The following DGCR2 variants were observed in gnomAD, a reference collection of about 807,000 sequenced individuals.
DGCR2 encodes the protein DiGeorge syndrome critical region gene 2.
In DGCR2, 24 loss-of-function variants were observed where a neutral mutation model predicts 51.6. The observed-to-expected ratio is 0.47, with a 90% confidence interval of 0.34 to 0.65. DGCR2 has a LOEUF of 0.65. Among genes scored for constraint, DGCR2 ranks in the 30% least tolerant of loss-of-function variants. DGCR2 has a pLI of 0.01. For missense variants in DGCR2, 765 were observed against 772.1 expected (o/e 0.99, Z 0.11); for synonymous variants, 340 against 315.4 (o/e 1.08, Z -0.82).
chr22:19,118,369 G>GCAAA lies in DGCR2; in HGVS notation c.79+3755_79+3758dup. Among the ~76,000 whole-genome samples, 3 of 84,418 alleles carry GCAAA rather than the reference G, an allele frequency of 3.6e-5. 1 individual carries two copies. Among genetic ancestry groups the GCAAA allele is most frequent in the African/African-American group, 1.4e-4 (3 of 21,012 alleles). 55.4% of individuals were successfully genotyped at this position (84,418 alleles called of 152,430 possible). A position where few individuals can be genotyped will look rare whatever the true frequency, so the allele number is the denominator to read the frequency against. ...CTGGGTGACAGACAGAAACTCCATCGCAAACAAAAAAAAAAAAAAAAAAAA... is the reference window on the plus strand; with the variant it reads ...CTGGGTGACAGACAGAAACTCCATCGCAAACAAACAAAAAAAAAAAAAAAAAAAA... On this transcript the variant is annotated intron_variant, in intron 1 of 9. Transcript: ENST00000263196.
intron 2 of DGCR2, among the ~76,000 whole-genome samples, chr22:19,085,712 C>T (rs554504909): frequency 5.3e-5 from 8 of 152,336 alleles, no homozygotes; most frequent in South Asian, 2.1e-4. Context: ...TACATCTTTC[C>T]CCTTTTTTTG....
At position 19,063,216 on chromosome 22, in the gene DGCR2, T is replaced by A; in HGVS notation, c.611A>T (p.Glu204Val). The stretch of plus-strand genomic sequence containing the variant: ...GAAGGGCTCACCTTTGAATGCCACC[T>A]CCCAGCGACCTTCCAAGGAGCGGTT... ...GRNRSLEGRW[E>V]VAFKGSSEVF... Residue 204 changes from glutamate (E) to valine (V), a missense_variant, in exon 5 of 10, where the codon GAG (glutamate) becomes GTG (valine). Around this residue, in one of 3 missense-constraint regions of DGCR2, gnomAD observed 370 missense variants for 325.5 expected, o/e 1.14. Coordinates refer to ENST00000263196, the MANE Select transcript of DGCR2 (RefSeq NM_005137.3). 1 of 1,614,162 alleles carries A rather than the reference T, an allele frequency of 6.2e-7. No individual in the cohort carries two copies. The highest frequency in any genetic ancestry group is 8.5e-7 in the Non-Finnish European group (1 of 1,180,020).
At chr22:19,042,117 G>A (rs1033139749) in intron 7 of DGCR2, among the ~76,000 whole-genome samples, 158 bp from the exon 8 acceptor site, 7 of 152,196 alleles carry the variant, frequency 4.6e-5, no homozygotes, top group Non-Finnish European at 5.9e-5. Context: ...AAATAAGGCC[G>A]CTCAAAATCA....
In DGCR2 at chr22:19,065,076, C is replaced by G; in HGVS notation, c.329-9G>C. The stretch of plus-strand genomic sequence containing the variant: ...GCACTTCCCTAGGAAACATAAAGGA[C>G]AGAAGGGGAGTTGTCCCCCAAGTTA... On this transcript the variant is annotated splice_polypyrimidine_tract_variant and intron_variant, in intron 3 of 9. Coordinates refer to ENST00000263196, the MANE Select transcript of DGCR2 (RefSeq NM_005137.3). 1 of 1,612,936 alleles carries G rather than the reference C, an allele frequency of 6.2e-7. No individual in the cohort carries two copies. Among genetic ancestry groups the G allele is most frequent in the South Asian group, 1.1e-5 (1 of 90,996 alleles).
chr22:19,062,779 A>ACACTCTCTCT (rs1555903895), intron 5 of DGCR2, among the ~76,000 whole-genome samples: 2 of 127,354 alleles, frequency 1.6e-5, no homozygotes, highest in Admixed American at 7.8e-5. Flanking sequence ...ATGCATGCTC[A>ACACTCTCTCT]CTCTCTCTCT....
At chr22:19,095,016 T>C (rs1392387412) in intron 1 of DGCR2, among the ~76,000 whole-genome samples, 1 of 152,182 alleles carries the variant, frequency 6.6e-6, no homozygotes, top group African/African-American at 2.4e-5. Flanking sequence ...GACGATACGC[T>C]GTGTTTGTTA....
At chr22:19,115,077 A>G (rs1470989744) in intron 1 of DGCR2, among the ~76,000 whole-genome samples, 1 of 152,204 alleles carries the variant, frequency 6.6e-6, no homozygotes, top group Non-Finnish European at 1.5e-5. Context: ...CCGCAGGCAG[A>G]GGAGGAGGAG....
chr22:19,092,727 ATACT>A (rs1322847941), intron 1 of DGCR2, among the ~76,000 whole-genome samples: 5 of 152,226 alleles, frequency 3.3e-5, no homozygotes, highest in African/African-American at 4.8e-5. Context: ...AAAATAAGAA[ATACT>A]TAGGTATAAA....
intron 1 of DGCR2, among the ~76,000 whole-genome samples, chr22:19,121,149 T>C (rs557783767): frequency 3.9e-5 from 6 of 152,374 alleles, no homozygotes; most frequent in Admixed American, 6.5e-5. Context: ...TCAGAGAAGA[T>C]GGCCCTGGCA....
chr22:19,048,372 C>G, intron 7 of DGCR2, 68 bp downstream of exon 7: 1 of 1,573,084 alleles, frequency 6.4e-7, no homozygotes, highest in Non-Finnish European at 8.7e-7. Context: ...ACTGAGGAAG[C>G]AAAGGGACGC....
intron 4 of DGCR2, among the ~76,000 whole-genome samples, chr22:19,064,585 G>C (rs368860951): frequency 6.6e-6 from 1 of 152,290 alleles, no homozygotes; most frequent in South Asian, 2.1e-4. Context: ...TGTACAAGGA[G>C]AGGGGTACCA....
intron 6 of DGCR2, chr22:19,056,459 C>T: frequency 1.8e-6 from 1 of 548,400 alleles, no homozygotes; most frequent in Non-Finnish European, 3.3e-6. Flanking sequence ...CCTGCGAAGC[C>T]AGAAGCCTGT....
At chr22:19,045,240 C>T (rs1183759001) in intron 7 of DGCR2, 1 of 152,254 alleles carries the variant, frequency 6.6e-6, no homozygotes, top group African/African-American at 2.4e-5. Flanking sequence ...TGCTCTTGCA[C>T]CTTTGTCAAA....
Position 19,101,004 on chromosome 22 carries a change from G to T in DGCR2, c.80-11514C>A, listed in dbSNP as rs1485606842. Among the ~76,000 whole-genome samples, 3 of 152,098 alleles carry T rather than the reference G, an allele frequency of 2.0e-5. No homozygotes were observed. The East Asian group carries it at 5.8e-4, about 29-fold the overall frequency. On this transcript the variant is annotated intron_variant, in intron 1 of 9. Transcript: ENST00000263196. The stretch of plus-strand genomic sequence containing the variant: ...TCCTGTAGTCCCAGCTACTCGGGAG[G>T]CTGAAGTGGGAGAACCACTTGAACC...
chr22:19,060,962 C>T (rs2082656237), intron 5 of DGCR2: 2 of 431,026 alleles, frequency 4.6e-6, no homozygotes. Flanking sequence ...CAATCTGGAA[C>T]ATATTATACA....
At chr22:19,078,073 C>T (rs2082898583) in intron 2 of DGCR2, among the ~76,000 whole-genome samples, 1 of 152,190 alleles carries the variant, frequency 6.6e-6, no homozygotes, top group Non-Finnish European at 1.5e-5. Flanking sequence ...AAGTGATCCA[C>T]CCGCCTTGGC....
At chr22:19,087,135 G>A (rs550462661) in intron 2 of DGCR2, among the ~76,000 whole-genome samples, 4 of 152,188 alleles carry the variant, frequency 2.6e-5, no homozygotes, top group East Asian at 3.9e-4. Flanking sequence ...CCACATGGTC[G>A]TCCCCAGGCT....
At chr22:19,073,023 G>A (rs901269423) in intron 2 of DGCR2, among the ~76,000 whole-genome samples, 1 of 152,184 alleles carries the variant, frequency 6.6e-6, no homozygotes, top group Non-Finnish European at 1.5e-5. Context: ...TTGGGAGGCT[G>A]AGGCAGGAGG....
chr22:19,076,650 T>C (rs2145988844), intron 2 of DGCR2, among the ~76,000 whole-genome samples: 1 of 152,244 alleles, frequency 6.6e-6, no homozygotes, highest in East Asian at 1.9e-4. Flanking sequence ...GATTTGCATT[T>C]CTCTAATCAT....
Sources: allele counts gnomAD v4.1 joint callset (sites outside exome capture counted in the v4.1 genomes callset), GRCh38; gene constraint gnomAD v4.1.1; regional missense constraint gnomAD v4.1.1; transcripts MANE v1.5; gene names NCBI Gene and HGNC (gene_info 2026-07-23, HGNC 2026-07-21).